ABCB7: variants seen among roughly 807,000 people sequenced by gnomAD.
The protein encoded by ABCB7 is iron-sulfur clusters transporter ABCB7, mitochondrial.
A neutral mutation model predicts 54.4 loss-of-function variants in ABCB7; 7 were observed. The observed-to-expected ratio is 0.13, with a 90% CI of 0.07 to 0.24. The LOEUF (loss-of-function observed/expected upper bound fraction) is 0.24, where lower values mean the gene tolerates loss of function less well. ABCB7 is among the 10% of genes least tolerant of loss of function. ABCB7 has a pLI of 1.00. For synonymous variants in ABCB7, 218 were observed against 207.1 expected, an observed-to-expected ratio of 1.05 and a Z score of -0.45; for missense variants, 356 against 570.4, an observed-to-expected ratio of 0.62 and a Z score of 3.83.
chrX:75,119,192 A>G (rs2081851806), intron 1 of ABCB7, among the ~76,000 whole-genome samples: 1 of 112,362 alleles, frequency 8.9e-6, no homozygotes, highest in South Asian at 3.7e-4. Flanking sequence ...TTTACATGCA[A>G]GGTGTGCAAA....
intron 1 of ABCB7, among the ~76,000 whole-genome samples, chrX:75,145,743 C>G (rs1318891497): frequency 9.0e-6 from 1 of 111,000 alleles, no homozygotes; most frequent in Non-Finnish European, 1.9e-5. Context: ...CCAGGGCAAT[C>G]AGGTAAGAGA....
chrX:75,089,046 A>G (rs1408903140), intron 4 of ABCB7, among the ~76,000 whole-genome samples: 3 of 111,212 alleles, frequency 2.7e-5, no homozygotes, highest in African/African-American at 9.7e-5. Context: ...TAAACTGTTG[A>G]AAAAAACCAA....
chrX:75,156,039 G>C, intron 1 of ABCB7, 66 bp downstream of exon 1: 1 of 1,172,232 alleles, frequency 8.5e-7, no homozygotes, highest in Non-Finnish European at 1.2e-6. Context: ...GAGGTCAGGA[G>C]GGCAACCTTT....
At chrX:75,141,658 A>G (rs1470488820) in intron 1 of ABCB7, among the ~76,000 whole-genome samples, 2 of 111,724 alleles carry the variant, frequency 1.8e-5, no homozygotes, top group Non-Finnish European at 1.9e-5. Context: ...TAACTTATAA[A>G]CATTTGTGCA....
rs192930091 is a variant in ABCB7 at position 75,069,568 on chromosome X, A to T, written c.1366-114T>A. ...GATATAATGGAAAAGAAGGAGGTTTATAAGTGGACTTAGACCACTTCCAAG... is the reference window on the plus strand; with the variant it reads ...GATATAATGGAAAAGAAGGAGGTTTTTAAGTGGACTTAGACCACTTCCAAG... On this transcript the variant is annotated intron_variant, in intron 10 of 15. Transcript: ENST00000373394. The T allele has an allele frequency of 3.0e-5, 25 of 823,450 alleles. No individual in the cohort carries two copies. In the African/African-American group the frequency reaches 4.7e-4, roughly 15 times the overall value. The allele number at this position is 823,450 out of a possible 1,213,427, so 67.9% of individuals were successfully genotyped here.
intron 4 of ABCB7, among the ~76,000 whole-genome samples, chrX:75,098,524 T>C (rs757983375): frequency 1.8e-4 from 20 of 111,147 alleles, no homozygotes; most frequent in African/African-American, 6.2e-4. Flanking sequence ...TCTCTTGATA[T>C]TAAGCTGTTG....
intron 1 of ABCB7, among the ~76,000 whole-genome samples, chrX:75,132,545 G>A (rs1216856339): frequency 1.8e-5 from 2 of 112,396 alleles, no homozygotes; most frequent in Non-Finnish European, 3.8e-5. Context: ...GCACAGCTCA[G>A]GAGTGCCAAA....
intron 3 of ABCB7, among the ~76,000 whole-genome samples, chrX:75,105,794 G>GT (rs2081693720): frequency 9.0e-6 from 1 of 111,344 alleles, no homozygotes; most frequent in Admixed American, 9.5e-5. Context: ...AGCCTGTACT[G>GT]GTATAAAAAT....
rs138341797 is a variant in ABCB7, at chrX:75,126,574, T to C, written c.169-11743A>G. ...AAGATCAGAGCAGAACTGAAGGAGA[T>C]AGAGACAGGAAAAATGCTTCAAAAA... is the stretch of plus-strand genomic sequence containing the variant. On this transcript the variant is annotated intron_variant, in intron 1 of 15. Transcript: ENST00000373394. Among the ~76,000 whole-genome samples, 1,068 of 107,053 alleles carry C rather than the reference T, an allele frequency of 1.0e-2. 6 individuals are homozygous for C. The highest frequency in any genetic ancestry group is 0.015 in the Non-Finnish European group (781 of 51,806). 93.0% of individuals were successfully genotyped at this position (107,053 alleles called of 115,157 possible). A position where few individuals can be genotyped will look rare whatever the true frequency, so the allele number is the denominator to read the frequency against.
chrX:75,106,262 G>GA (rs2081700288), intron 3 of ABCB7, among the ~76,000 whole-genome samples: 2 of 110,563 alleles, frequency 1.8e-5, no homozygotes, highest in South Asian at 7.5e-4. Context: ...AACTCAACAA[G>GA]AAAAAAACAA....
chrX:75,098,579 C>A (rs1389041119), intron 4 of ABCB7, among the ~76,000 whole-genome samples: 1 of 110,827 alleles, frequency 9.0e-6, no homozygotes, highest in Admixed American at 9.6e-5. Context: ...GCTTCATCCT[C>A]TTTTCAATTT....
intron 5 of ABCB7, 127 bp from the exon 6 acceptor site, chrX:75,075,757 T>C (rs2081403365): frequency 4.3e-6 from 3 of 690,519 alleles, no homozygotes; most frequent in Non-Finnish European, 6.3e-6. Context: ...TCACAGAATA[T>C]TTACAATAAA....
At chrX:75,153,234 T>G (rs1315037149) in intron 1 of ABCB7, among the ~76,000 whole-genome samples, 2 of 110,798 alleles carry the variant, frequency 1.8e-5, no homozygotes, top group Non-Finnish European at 3.8e-5. Context: ...CCCGCCACCA[T>G]GCCCGGCTAA....
intron 15 of ABCB7, among the ~76,000 whole-genome samples, chrX:75,054,775 G>A: frequency 9.0e-6 from 1 of 110,838 alleles, no homozygotes. Context: ...CCTCAATTCT[G>A]AAATTGTATG....
chrX:75,133,808 G>A (rs2081991214), intron 1 of ABCB7, among the ~76,000 whole-genome samples: 1 of 111,920 alleles, frequency 8.9e-6, no homozygotes, highest in African/African-American at 3.3e-5. Context: ...CACCAGGCCT[G>A]CCTTAACAAG....
intron 3 of ABCB7, among the ~76,000 whole-genome samples, chrX:75,110,573 A>G (rs918926218): frequency 5.3e-5 from 6 of 112,315 alleles, no homozygotes; most frequent in Admixed American, 1.9e-4. Context: ...TGTCCAATCA[A>G]TAAGAATGTG....
chrX:75,079,939 C>A (rs946974036), intron 4 of ABCB7, among the ~76,000 whole-genome samples: 6 of 112,125 alleles, frequency 5.4e-5, no homozygotes, highest in African/African-American at 1.9e-4. Flanking sequence ...ACAGTTTACT[C>A]ATCTTGAGAA....
chrX:75,060,393 A>ATGATTATTTT, intron 14 of ABCB7, 63 bp from the exon 15 acceptor site: 1 of 871,761 alleles, frequency 1.1e-6, no homozygotes, highest in Non-Finnish European at 1.7e-6. Flanking sequence ...AGGCAAATGT[A>ATGATTATTTT]AATTAAAATA....
At chrX:75,098,842 T>A (rs1257212254) in intron 4 of ABCB7, 100 bp downstream of exon 4, 5 of 1,106,360 alleles carry the variant, frequency 4.5e-6, no homozygotes, top group Non-Finnish European at 5.0e-6. Context: ...TAAAAGTTGG[T>A]CATGCTACCC....
Sources: allele counts gnomAD v4.1 joint callset (sites outside exome capture counted in the v4.1 genomes callset), GRCh38; gene constraint gnomAD v4.1.1; transcripts MANE v1.5; gene names NCBI Gene and HGNC (gene_info 2026-07-23, HGNC 2026-07-21).